The following MANEA variants were observed in gnomAD, a reference collection of about 807,000 sequenced individuals.
MANEA encodes the protein glycoprotein endo-alpha-1,2-mannosidase.
MANEA carries 25 observed loss-of-function variants against 36.8 expected under a neutral mutation model. That is an observed-to-expected ratio of 0.68 (90% CI 0.50 to 0.95). The LOEUF is 0.95. MANEA is among the 40% of genes least tolerant of loss of function. The probability of loss-of-function intolerance (pLI) is 0.00; values close to 1 mark genes in which losing one functional copy is unlikely to be tolerated. For missense variants in MANEA, 565 were observed against 558.8 expected (o/e 1.01, Z -0.11); for synonymous variants, 198 against 188.5 (o/e 1.05, Z -0.41).
chr6:95,589,513 A>G (rs1769345758), intron 2 of MANEA, among the ~76,000 whole-genome samples: 1 of 152,190 alleles, frequency 6.6e-6, no homozygotes, highest in Non-Finnish European at 1.5e-5. Context: ...ATTGAAAAGA[A>G]TGATAAAATT....
chr6:95,601,873 A>G (rs1170451240), intron 3 of MANEA, among the ~76,000 whole-genome samples: 2 of 152,040 alleles, frequency 1.3e-5, no homozygotes, highest in Non-Finnish European at 2.9e-5. Context: ...TTCTTATACT[A>G]GGTTTATCAA....
chr6:95,601,528 G>A lies in MANEA; in HGVS notation c.655-3299G>A, dbSNP rs76777476. Among the ~76,000 whole-genome samples, 386 of 152,118 alleles carry A rather than the reference G, an allele frequency of 2.5e-3. 3 individuals carry two copies. Among genetic ancestry groups the A allele is most frequent in the African/African-American group, 8.9e-3 (370 of 41,504 alleles). ...GCCTAGGACTCAGAATGACAGACACGTGGAGCTGATTTGAACCAGCCTGGA... is the reference window on the plus strand; with the variant it reads ...GCCTAGGACTCAGAATGACAGACACATGGAGCTGATTTGAACCAGCCTGGA... On this transcript the variant is annotated intron_variant, in intron 3 of 4. Transcript: ENST00000358812.
At chr6:95,596,300 C>T (rs1266648337) in intron 2 of MANEA, among the ~76,000 whole-genome samples, 4 of 152,104 alleles carry the variant, frequency 2.6e-5, no homozygotes, top group South Asian at 2.1e-4. Flanking sequence ...CAAAACCTGT[C>T]GAACTGTACA....
intron 2 of MANEA, among the ~76,000 whole-genome samples, chr6:95,595,540 A>C (rs1350378462): frequency 6.6e-6 from 1 of 152,112 alleles, no homozygotes; most frequent in Non-Finnish European, 1.5e-5. Context: ...CTAGCACAAA[A>C]CTTAGGTCTT....
chr6:95,605,242 A>G (rs1399986323), intron 4 of MANEA, among the ~76,000 whole-genome samples: 1 of 152,152 alleles, frequency 6.6e-6, no homozygotes, highest in African/African-American at 2.4e-5. Context: ...CAGATTATTA[A>G]AAGTGAACTA....
intron 3 of MANEA, among the ~76,000 whole-genome samples, chr6:95,601,399 T>C (rs985230419): frequency 1.3e-5 from 2 of 152,218 alleles, no homozygotes; most frequent in Non-Finnish European, 1.5e-5. Context: ...GGTTTGGCCT[T>C]ATGGCTTGCT....
At chr6:95,594,616 A>G (rs1351890014) in intron 2 of MANEA, among the ~76,000 whole-genome samples, 1 of 152,102 alleles carries the variant, frequency 6.6e-6, no homozygotes, top group Admixed American at 6.5e-5. Flanking sequence ...ATTATCTTTG[A>G]TTGTATACTA....
intron 1 of MANEA, among the ~76,000 whole-genome samples, chr6:95,583,045 T>G (rs34820653): frequency 0.058 from 8,815 of 152,252 alleles, 327 homozygotes; most frequent in Non-Finnish European, 0.082. Context: ...TTTTGGTAGG[T>G]TTTCCACTGT....
rs557014294 is a variant in MANEA at position 95,608,709 on chromosome 6, G to A, written c.*2304G>A. Reference sequence around the variant, plus strand: ...CAGTGTCTGTGGGGGATTGGTTCCAGTTACCCCTATAGATACCAAAATCTG... The same window carrying A: ...CAGTGTCTGTGGGGGATTGGTTCCAATTACCCCTATAGATACCAAAATCTG... On this transcript the variant is annotated 3_prime_UTR_variant, in exon 5 of 5. Transcript: ENST00000358812. 6.6e-6 allele frequency: 1 copy of A among 151,684 alleles called. No homozygotes were observed. Among genetic ancestry groups the A allele is most frequent in the South Asian group, 2.1e-4 (1 of 4,822 alleles). The allele number at this position is 151,684 out of a possible 1,614,324, so 9.4% of individuals were successfully genotyped here.
intron 1 of MANEA, among the ~76,000 whole-genome samples, chr6:95,580,712 G>A (rs1374456084): frequency 6.5e-5 from 9 of 138,494 alleles, no homozygotes; most frequent in Non-Finnish European, 9.2e-5. Context: ...GCAACAGAGT[G>A]AGACGCCGTC....
At position 95,605,685 on chromosome 6, in the gene MANEA, T is replaced by C. The variant is rs76025058; in HGVS notation, c.732-63T>C. On this transcript the variant is annotated intron_variant, in intron 4 of 4. Coordinates refer to ENST00000358812, the MANE Select transcript of MANEA (RefSeq NM_024641.4). ...TGACTCCTTCATTTTCAGTAAACAGTTTTTGTCTGTGGCAAATTAGTTGTG... is the reference window on the plus strand; with the variant it reads ...TGACTCCTTCATTTTCAGTAAACAGCTTTTGTCTGTGGCAAATTAGTTGTG... The C allele has an allele frequency of 1.4e-4, 178 of 1,286,844 alleles. No homozygotes were observed. In the African/African-American group the frequency reaches 2.4e-3, roughly 17 times the overall value. The allele number at this position is 1,286,844 out of a possible 1,614,324, so 79.7% of individuals were successfully genotyped here. A position where few individuals can be genotyped will look rare whatever the true frequency, so the allele number is the denominator to read the frequency against.
In MANEA at chr6:95,604,882, A is replaced by C; in HGVS notation, c.710A>C (p.Asn237Thr). The C allele has an allele frequency of 6.9e-7, 1 of 1,446,280 alleles. No individual in the cohort carries two copies. Among genetic ancestry groups the C allele is most frequent in the Non-Finnish European group, 9.4e-7 (1 of 1,063,506 alleles). 89.6% of individuals were successfully genotyped at this position (1,446,280 alleles called of 1,614,324 possible). ...SNRDDQNMYK[N>T]VKYIIDKYGN... ...CGAGATGATCAAAACATGTACAAAAATGTCAAGTATATTATAGACAAGTGA... is the reference window on the plus strand; with the variant it reads ...CGAGATGATCAAAACATGTACAAAACTGTCAAGTATATTATAGACAAGTGA... The change falls in exon 4 of 5, where the codon AAT becomes ACT. Residue 237 changes from asparagine to threonine, a missense_variant. Asn to Thr is a moderately conservative substitution (Grantham distance 65). Coordinates refer to ENST00000358812, the MANE Select transcript of MANEA (RefSeq NM_024641.4).
chr6:95,590,620 A>G (rs558374450), intron 2 of MANEA, among the ~76,000 whole-genome samples: 1 of 152,334 alleles, frequency 6.6e-6, no homozygotes, highest in Non-Finnish European at 1.5e-5. Context: ...ATTTCCTTTT[A>G]TAATAACTAT....
At position 95,605,784 on chromosome 6, in the gene MANEA, G is replaced by A. The variant is rs368204604; in HGVS notation, c.768G>A (p.Thr256=). The A allele has an allele frequency of 7.4e-6, 12 of 1,613,020 alleles. No homozygotes were observed. Among genetic ancestry groups the A allele is most frequent in the Middle Eastern group, 1.6e-4 (1 of 6,078 alleles). ...ATCCGGCCTTTTACAGGTACAAGAC[G>A]AAGACTGGCAATGCTCTTCCTATGT... ...GNHPAFYRYK[T]KTGNALPMFY... The change falls in exon 5 of 5, where the codon ACG becomes ACA. Residue 256 remains threonine, a synonymous_variant. Coordinates refer to ENST00000358812, the MANE Select transcript of MANEA (RefSeq NM_024641.4).
chr6:95,603,981 T>C (rs1769652508), intron 3 of MANEA, among the ~76,000 whole-genome samples: 1 of 151,844 alleles, frequency 6.6e-6, no homozygotes, highest in Admixed American at 6.6e-5. Flanking sequence ...GCACAGTATT[T>C]TAAAAATATT....
At position 95,596,745 on chromosome 6, in the gene MANEA, G is replaced by A. The variant is rs1342360157; in HGVS notation, c.553G>A (p.Ala185Thr). Residue 185 changes from alanine (A) to threonine (T), a missense_variant, in exon 3 of 5, where the codon GCC becomes ACC. Ala to Thr is a moderately conservative substitution (Grantham distance 58). Transcript: ENST00000358812. ...QMRSASIGVLALSWYPPDVND... is the reference protein window; with the variant it reads ...QMRSASIGVLTLSWYPPDVND... ...TTGGTCTTTTCTATTAGGTGTACTA[G>A]CCCTCTCTTGGTACCCACCTGATGT... 1.9e-6 allele frequency: 3 copies of A among 1,574,762 alleles called. No homozygotes were observed. The highest frequency in any genetic ancestry group is 2.2e-5 in the East Asian group (1 of 44,526).
intron 2 of MANEA, among the ~76,000 whole-genome samples, chr6:95,593,198 C>A (rs1182169046): frequency 6.6e-6 from 1 of 152,178 alleles, no homozygotes; most frequent in Non-Finnish European, 1.5e-5. Flanking sequence ...TCCCAACACT[C>A]CTCAGAAGTA....
At position 95,585,206 on chromosome 6, in the gene MANEA, T is replaced by C. The variant is rs945578161; in HGVS notation, c.-38-1196T>C. ...TCAGCCAAGAAGCACTGCATTAATA[T>C]ATGTCCATAAACATACTTACTAAAA... On this transcript the variant is annotated intron_variant, in intron 1 of 4. Transcript: ENST00000358812. Among the ~76,000 whole-genome samples, 4 of 152,332 alleles carry C rather than the reference T, an allele frequency of 2.6e-5. No individual in the cohort carries two copies. In the South Asian group the frequency reaches 8.3e-4, roughly 32 times the overall value.
Position 95,594,106 on chromosome 6 carries a change from G to A in MANEA, c.545-2631G>A, listed in dbSNP as rs1015438807. 6.6e-5 allele frequency among the ~76,000 whole-genome samples: 10 copies of A among 152,116 alleles called. No homozygotes were observed. In the South Asian group the frequency reaches 8.3e-4, roughly 13 times the overall value. On this transcript the variant is annotated intron_variant, in intron 2 of 4. Coordinates refer to ENST00000358812, the MANE Select transcript of MANEA (RefSeq NM_024641.4). ...CATGTGTGTGTACATGTGTATGTGC[G>A]TGCTAGGAGAGGGGTATGGTTGAAG...
Sources: gnomAD v4.1 joint callset for allele counts (sites outside exome capture counted in the v4.1 genomes callset) on GRCh38, gnomAD v4.1.1 for gene constraint, MANE v1.5 for transcripts, NCBI Gene and HGNC (gene_info 2026-07-23, HGNC 2026-07-21) for gene names.